NBAS: variants seen among roughly 807,000 people sequenced by gnomAD.
NBAS encodes NBAS subunit of NRZ tethering complex.
In NBAS, 219 loss-of-function variants were observed where a neutral mutation model predicts 302.5. That is an observed-to-expected ratio of 0.72 (90% CI 0.65 to 0.81). The LOEUF (loss-of-function observed/expected upper bound fraction) is 0.81, where lower values mean the gene tolerates loss of function less well. Ranked by LOEUF, NBAS falls within the 30% of genes least tolerant of loss-of-function variation. The pLI is 0.00. For synonymous variants in NBAS, 1,118 were observed against 1,021.6 expected, an observed-to-expected ratio of 1.09 and a Z score of -1.80; for missense variants, 2,932 against 2,841.6, an observed-to-expected ratio of 1.03 and a Z score of -0.72.
intron 44 of NBAS, among the ~76,000 whole-genome samples, chr2:15,258,097 GC>G (rs1405870831): frequency 9.2e-5 from 14 of 152,182 alleles, no homozygotes. Context: ...ACTGGCTGGA[GC>G]CGTGGCAGAG....
At chr2:15,198,273 A>C (rs972313978) in intron 48 of NBAS, among the ~76,000 whole-genome samples, 1 of 152,236 alleles carries the variant, frequency 6.6e-6, no homozygotes, top group East Asian at 1.9e-4. Flanking sequence ...ACTTTAATAC[A>C]CAAGTACCTG....
intron 8 of NBAS, among the ~76,000 whole-genome samples, chr2:15,535,551 T>TAAATAAATAAATAAAC (rs1553334457): frequency 0.041 from 6,047 of 147,788 alleles, 459 homozygotes; most frequent in African/African-American, 0.14. Flanking sequence ...AATAAATAAA[T>TAAATAAATAAATAAAC]AAATAAATAA....
the NBAS span, among the ~76,000 whole-genome samples, chr2:15,011,978 A>G: frequency 6.6e-6 from 1 of 152,222 alleles, no homozygotes; most frequent in Non-Finnish European, 1.5e-5. Context: ...CATCAGATTC[A>G]TAGAAGTCAA....
chr2:15,027,659 T>C, the NBAS span, among the ~76,000 whole-genome samples: 2 of 152,200 alleles, frequency 1.3e-5, no homozygotes, highest in African/African-American at 4.8e-5. Context: ...AAAACCTTCC[T>C]AACCATATTA....
Position 15,471,909 on chromosome 2 carries a change from T to A in NBAS, c.1725+1313A>T, listed in dbSNP as rs545670713. On this transcript the variant is annotated intron_variant, in intron 16 of 51. Coordinates refer to ENST00000281513, the MANE Select transcript of NBAS (RefSeq NM_015909.4). ...TTTTGCACTTCCCAGCCTCTAGAACTAAGAGAAATAAATTTCTGCTGTTGA... is the reference window on the plus strand; with the variant it reads ...TTTTGCACTTCCCAGCCTCTAGAACAAAGAGAAATAAATTTCTGCTGTTGA... Among the ~76,000 whole-genome samples, 7 of 152,276 alleles carry A rather than the reference T, an allele frequency of 4.6e-5. No homozygotes were observed. In the East Asian group the frequency reaches 9.6e-4, roughly 21 times the overall value.
At chr2:15,230,671 C>T (rs1440660583) in intron 47 of NBAS, among the ~76,000 whole-genome samples, 3 of 152,188 alleles carry the variant, frequency 2.0e-5, no homozygotes, top group Non-Finnish European at 2.9e-5. Flanking sequence ...GGGACTAAAA[C>T]AGTACCTGTT....
chr2:14,963,050 T>C, the NBAS span, among the ~76,000 whole-genome samples: 10 of 152,044 alleles, frequency 6.6e-5, no homozygotes, highest in East Asian at 1.9e-4. Flanking sequence ...GGGTGAATTA[T>C]CTGAGGCCGG....
At chr2:15,121,705 C>T in the NBAS span, among the ~76,000 whole-genome samples, 1 of 150,356 alleles carries the variant, frequency 6.7e-6, no homozygotes, top group East Asian at 2.0e-4. Context: ...TATCATGTTA[C>T]AGTTGTTGCA....
At chr2:15,027,113 G>GAC in the NBAS span, among the ~76,000 whole-genome samples, 1 of 151,826 alleles carries the variant, frequency 6.6e-6, no homozygotes, top group East Asian at 1.9e-4. Flanking sequence ...TAGGATCATT[G>GAC]TCTAAATTCC....
At chr2:15,253,732 A>C (rs1668460411) in intron 44 of NBAS, among the ~76,000 whole-genome samples, 1 of 152,180 alleles carries the variant, frequency 6.6e-6, no homozygotes, top group South Asian at 2.1e-4. Flanking sequence ...TGACTCTGAT[A>C]CATTGTTCTG....
intron 9 of NBAS, among the ~76,000 whole-genome samples, chr2:15,518,129 GAAAA>G (rs5829507): frequency 1.5e-5 from 2 of 134,200 alleles, no homozygotes; most frequent in Admixed American, 7.5e-5. Flanking sequence ...AAGTCTAGGG[GAAAA>G]AAAAAAAAAA....
intron 47 of NBAS, among the ~76,000 whole-genome samples, chr2:15,226,384 A>AT (rs987044061): frequency 6.6e-6 from 1 of 152,028 alleles, no homozygotes; most frequent in East Asian, 1.9e-4. Flanking sequence ...TTAGTGTTGA[A>AT]TTTTTTTTAA....
chr2:15,135,425 C>T, the NBAS span, among the ~76,000 whole-genome samples: 1 of 152,160 alleles, frequency 6.6e-6, no homozygotes, highest in Non-Finnish European at 1.5e-5. Flanking sequence ...TCATTGGTGG[C>T]ACTCAGTCAT....
chr2:15,184,947 T>C (rs2125129158), intron 50 of NBAS, among the ~76,000 whole-genome samples: 1 of 152,350 alleles, frequency 6.6e-6, no homozygotes, highest in Middle Eastern at 3.4e-3. Context: ...TCTTAAATAC[T>C]GATCATCTAG....
chr2:15,121,053 G>A, the NBAS span, among the ~76,000 whole-genome samples: 1 of 151,898 alleles, frequency 6.6e-6, no homozygotes, highest in African/African-American at 2.4e-5. Context: ...GCTCAATATC[G>A]AATTCATCTC....
chr2:15,539,111 T>C, intron 7 of NBAS, 112 bp downstream of exon 7: 2 of 1,428,304 alleles, frequency 1.4e-6, no homozygotes, highest in Non-Finnish European at 9.7e-7. Context: ...GTCCACAGCT[T>C]ATTATTCTGA....
At chr2:15,117,594 C>G in the NBAS span, among the ~76,000 whole-genome samples, 1 of 152,240 alleles carries the variant, frequency 6.6e-6, no homozygotes, top group Non-Finnish European at 1.5e-5. Flanking sequence ...GACATGTTCC[C>G]TAGCTGCAGA....
intron 1 of NBAS, among the ~76,000 whole-genome samples, chr2:15,559,344 T>C (rs1043510787): frequency 3.9e-5 from 6 of 152,232 alleles, no homozygotes; most frequent in Non-Finnish European, 5.9e-5. Flanking sequence ...CTATCTGTTG[T>C]GTATCTATAC....
the NBAS span, among the ~76,000 whole-genome samples, chr2:15,058,125 G>A: frequency 2.6e-5 from 4 of 152,164 alleles, no homozygotes; most frequent in African/African-American, 9.7e-5. Context: ...GTTATTATTC[G>A]AAAAAGATGC....
Sources: gnomAD v4.1 joint callset for allele counts (sites outside exome capture counted in the v4.1 genomes callset) on GRCh38, gnomAD v4.1.1 for gene constraint, MANE v1.5 for transcripts, NCBI Gene and HGNC (gene_info 2026-07-23, HGNC 2026-07-21) for gene names.